SLC39A14: variants seen among roughly 807,000 people sequenced by gnomAD.
The protein encoded by SLC39A14 is metal cation symporter ZIP14.
A neutral mutation model predicts 45.5 loss-of-function variants in SLC39A14; 19 were observed. That is an observed-to-expected ratio of 0.42 (90% CI 0.29 to 0.61). The LOEUF is 0.61. SLC39A14 is among the 20% of genes least tolerant of loss of function. The probability of loss-of-function intolerance (pLI) is 0.22; values close to 1 mark genes in which losing one functional copy is unlikely to be tolerated. For missense variants in SLC39A14, 447 were observed against 616.5 expected (o/e 0.73, Z 2.91); for synonymous variants, 264 against 251.3 (o/e 1.05, Z -0.48).
intron 3 of SLC39A14, among the ~76,000 whole-genome samples, chr8:22,409,535 A>AC (rs1835442703): frequency 6.6e-6 from 1 of 152,190 alleles, no homozygotes; most frequent in East Asian, 1.9e-4. Context: ...GGCACGCGCC[A>AC]CCACGCCCAG....
intron 2 of SLC39A14, 97 bp from the exon 3 acceptor site, chr8:22,408,208 GTCTTC>G: frequency 9.6e-7 from 1 of 1,046,038 alleles, no homozygotes; most frequent in Non-Finnish European, 1.4e-6. Context: ...GGACATTTCT[GTCTTC>G]TCTTTTTCCT....
At chr8:22,428,176 A>G (rs1399552386) in intron 8 of SLC39A14, among the ~76,000 whole-genome samples, 1 of 152,086 alleles carries the variant, frequency 6.6e-6, no homozygotes, top group African/African-American at 2.4e-5. Context: ...GCATGCCTGT[A>G]ATCCCAGTTA....
Position 22,420,391 on chromosome 8 carries a change from G to C in SLC39A14, c.*693G>C. On this transcript the variant is annotated 3_prime_UTR_variant, in exon 9 of 9. Transcript: ENST00000381237. ...TTTGTAACAGCACCTGGTGTTTCACGGCTGTCCGAGTGAGCTAACGTGGCG... is the reference window on the plus strand; with the variant it reads ...TTTGTAACAGCACCTGGTGTTTCACCGCTGTCCGAGTGAGCTAACGTGGCG... 1.0e-6 allele frequency: 1 copy of C among 985,440 alleles called. No homozygotes were observed. The highest frequency in any genetic ancestry group is 1.2e-6 in the Non-Finnish European group (1 of 829,960). 61.0% of individuals were successfully genotyped at this position (985,440 alleles called of 1,614,324 possible). A position where few individuals can be genotyped will look rare whatever the true frequency, so the allele number is the denominator to read the frequency against.
rs139984382 is a variant in SLC39A14 at position 22,401,318 on chromosome 8, TC to T, written c.-15-3376del. Among the ~76,000 whole-genome samples the T allele has an allele frequency of 7.1e-3, 1,076 of 152,298 alleles. 10 individuals carry two copies. Among genetic ancestry groups the T allele is most frequent in the African/African-American group, 0.024 (1,013 of 41,556 alleles). ...GGCATGTGATGCACTGAGATTAGTG[TC>T]CGAGCCCTGGGTGCCTGGGTAAGAA... On this transcript the variant is annotated intron_variant, in intron 1 of 8. Coordinates refer to ENST00000381237, the MANE Select transcript of SLC39A14 (RefSeq NM_001128431.4).
At chr8:22,426,701 TG>T (rs1464704140), downstream of SLC39A14, among the ~76,000 whole-genome samples, 3 of 152,016 alleles carry the variant, frequency 2.0e-5, no homozygotes, top group Non-Finnish European at 4.4e-5. Flanking sequence ...TCTTTTTTTT[TG>T]AGATGGAGTC....
intron 8 of SLC39A14, among the ~76,000 whole-genome samples, chr8:22,428,846 A>C (rs1836426901): frequency 6.6e-6 from 1 of 152,260 alleles, no homozygotes; most frequent in Non-Finnish European, 1.5e-5. Flanking sequence ...AACTTAAAGC[A>C]GCCTTGTAAA....
At chr8:22,399,434 C>T (rs1174429864) in intron 1 of SLC39A14, among the ~76,000 whole-genome samples, 2 of 152,216 alleles carry the variant, frequency 1.3e-5, no homozygotes, top group Admixed American at 6.5e-5. Flanking sequence ...AAGTGTCACT[C>T]GCAGCTCCTA....
intron 1 of SLC39A14, among the ~76,000 whole-genome samples, chr8:22,377,243 T>C (rs1268276750): frequency 2.0e-5 from 3 of 152,204 alleles, no homozygotes; most frequent in African/African-American, 4.8e-5. Flanking sequence ...CTCCTTCCGG[T>C]TGTCTCCTGT....
chr8:22,405,056 C>G, intron 2 of SLC39A14, 76 bp downstream of exon 2: 5 of 1,438,578 alleles, frequency 3.5e-6, no homozygotes, highest in Non-Finnish European at 4.8e-6. Context: ...CTAGTTGGGC[C>G]CAGGGCAGCC....
intron 1 of SLC39A14, among the ~76,000 whole-genome samples, chr8:22,389,425 C>T (rs953335156): frequency 2.0e-5 from 3 of 148,728 alleles, no homozygotes; most frequent in Non-Finnish European, 4.4e-5. Context: ...GCTAGGAGAT[C>T]GCGCAGGGGG....
intron 1 of SLC39A14, among the ~76,000 whole-genome samples, chr8:22,374,387 G>T (rs1029021485): frequency 6.6e-6 from 1 of 152,190 alleles, no homozygotes; most frequent in Non-Finnish European, 1.5e-5. Flanking sequence ...TCCTGAAGCT[G>T]CAGTAAGTGG....
At chr8:22,410,260 G>A (rs758513886) in intron 3 of SLC39A14, 6 of 810,566 alleles carry the variant, frequency 7.4e-6, no homozygotes, top group Admixed American at 4.5e-5. Context: ...AGCCACAAAC[G>A]ACTTCTAACT....
At chr8:22,384,705 C>CCA (rs1357314735) in intron 1 of SLC39A14, among the ~76,000 whole-genome samples, 1 of 149,846 alleles carries the variant, frequency 6.7e-6, no homozygotes, top group African/African-American at 2.5e-5. Context: ...CGAGATTGTA[C>CCA]CACTGCACTC....
At chr8:22,368,816 G>A (rs1327247369) in intron 1 of SLC39A14, among the ~76,000 whole-genome samples, 5 of 152,102 alleles carry the variant, frequency 3.3e-5, no homozygotes, top group East Asian at 1.9e-4. Flanking sequence ...GATTACAGGC[G>A]TGAGCCACCC....
intron 1 of SLC39A14, among the ~76,000 whole-genome samples, chr8:22,370,347 T>A (rs192791441): frequency 4.6e-5 from 7 of 152,280 alleles, no homozygotes. Flanking sequence ...CACAGTAGTG[T>A]TGTGAATAGA....
intron 1 of SLC39A14, among the ~76,000 whole-genome samples, chr8:22,381,531 A>G (rs1395470300): frequency 6.6e-6 from 1 of 152,214 alleles, no homozygotes; most frequent in Non-Finnish European, 1.5e-5. Flanking sequence ...CGGCCTCCCA[A>G]AGTTCTGGGA....
At chr8:22,376,334 A>ATTTTTTTT (rs778041310) in intron 1 of SLC39A14, among the ~76,000 whole-genome samples, 9 of 122,426 alleles carry the variant, frequency 7.4e-5, no homozygotes, top group East Asian at 5.0e-4. Context: ...ACCACACCTA[A>ATTTTTTTT]TTTTTTTTTT....
chr8:22,420,802 C>G lies in SLC39A14; in HGVS notation c.*1104C>G, dbSNP rs1293373741. ...GGTCTCTGAAATGTAAGGGCACAAA[C>G]TTCACTTAGGGCATCGCAGATGTTT... On this transcript the variant is annotated 3_prime_UTR_variant, in exon 9 of 9. Coordinates refer to ENST00000381237, the MANE Select transcript of SLC39A14 (RefSeq NM_001128431.4). The G allele has an allele frequency of 1.0e-6, 1 of 985,290 alleles. No homozygotes were observed. The highest frequency in any genetic ancestry group is 1.2e-6 in the Non-Finnish European group (1 of 829,938). 61.0% of individuals were successfully genotyped at this position (985,290 alleles called of 1,614,324 possible).
At chr8:22,403,069 AG>A in intron 1 of SLC39A14, among the ~76,000 whole-genome samples, 1 of 150,464 alleles carries the variant, frequency 6.6e-6, no homozygotes, top group South Asian at 2.1e-4. Flanking sequence ...CTCTGCCTGC[AG>A]GGTTCACGCC....
Sources: allele counts gnomAD v4.1 joint callset (sites outside exome capture counted in the v4.1 genomes callset), GRCh38; gene constraint gnomAD v4.1.1; transcripts MANE v1.5; gene names NCBI Gene and HGNC (gene_info 2026-07-23, HGNC 2026-07-21).